IGSF22: variants seen among roughly 807,000 people sequenced by gnomAD.
IGSF22 encodes the protein immunoglobulin superfamily, member 22.
In IGSF22, 119 loss-of-function variants were observed where a neutral mutation model predicts 127.0. That is an observed-to-expected ratio of 0.94 (90% CI 0.81 to 1.09). IGSF22 has a LOEUF of 1.09. Ranked by LOEUF, IGSF22 falls within the 50% of genes least tolerant of loss-of-function variation. The probability of loss-of-function intolerance (pLI) is 0.00; values close to 1 mark genes in which losing one functional copy is unlikely to be tolerated. For synonymous variants in IGSF22, 568 were observed against 664.7 expected (o/e 0.85, Z 2.24); for missense variants, 1,518 against 1,716.6 (o/e 0.88, Z 2.04).
Position 18,707,908 on chromosome 11 carries a change from TG to T in IGSF22, c.3175del (p.Gln1059SerfsTer54). On this transcript the variant is annotated frameshift_variant, in exon 20 of 23. Transcript: ENST00000513874. LOFTEE classifies it high-confidence loss of function. ...ETITKSKNHS[Q>X]FLINSTKRSD... ...GCGCTTGGTGCTATTAATGAGGAAC[TG>T]GGAGTGGTTTTTGCTCTTGGTAATT... 6.2e-7 allele frequency: 1 copy of T among 1,614,204 alleles called. No individual in the cohort carries two copies. Among genetic ancestry groups the T allele is most frequent in the South Asian group, 1.1e-5 (1 of 91,084 alleles).
rs200656412 is a variant in IGSF22 at position 18,712,261 on chromosome 11, C to A, written c.2219G>T (p.Arg740Leu). The A allele has an allele frequency of 3.9e-6, 6 of 1,551,766 alleles. No individual in the cohort carries two copies. Among genetic ancestry groups the A allele is most frequent in the South Asian group, 1.2e-5 (1 of 84,066 alleles). ...GRPVTQFIVE[R>L]RAVGKKSWIK... ...CCAGGACTTCTTGCCAACTGCCCTC[C>A]GTTCCACTATGAACTGTGTCACAGG... The change falls in exon 15 of 23, where the codon CGG becomes CTG. Residue 740 changes from arginine to leucine, a missense_variant. Physicochemically the swap from Arg to Leu is moderately radical, Grantham distance 102 (BLOSUM62 -2). Around this residue, in one of 3 missense-constraint regions of IGSF22, gnomAD observed 1,456 missense variants for 1,644.9 expected, o/e 0.89. Coordinates refer to ENST00000513874, the MANE Select transcript of IGSF22 (RefSeq NM_173588.4).
chr11:18,705,538 G>A (rs1848207476), intron 22 of IGSF22: 6 of 483,214 alleles, frequency 1.2e-5, no homozygotes, highest in African/African-American at 1.9e-5. Context: ...CTGATCACCA[G>A]TATCTTTTTT....
rs994103382 is a variant in IGSF22, at chr11:18,714,407, C to A, written c.1668G>T (p.Leu556Phe). The A allele has an allele frequency of 1.2e-6, 2 of 1,614,046 alleles. No individual in the cohort carries two copies. The highest frequency in any genetic ancestry group is 3.3e-5 in the Admixed American group (2 of 60,028). ...WLKDGKEITD[L>F]PGMQIVKQGA... ...CCTGCTTCACAATCTGCATGCCTGG[C>A]AAGTCCGTGATCTGGGGGTCAGGGG... is the stretch of plus-strand genomic sequence containing the variant. The change falls in exon 13 of 23, where the codon TTG (leucine) becomes TTT (phenylalanine). Residue 556 changes from leucine to phenylalanine, a missense_variant. Leu to Phe is a conservative substitution (Grantham distance 22). Transcript: ENST00000513874.
intron 7 of IGSF22, 37 bp from the exon 8 acceptor site, chr11:18,718,765 G>A (rs1365969458): frequency 7.5e-7 from 1 of 1,327,808 alleles, no homozygotes; most frequent in Non-Finnish European, 1.1e-6. Context: ...AAGTGTCAGT[G>A]GTACCCAAAG....
At chr11:18,711,883 G>T (rs750723858) in intron 15 of IGSF22, among the ~76,000 whole-genome samples, 199 bp downstream of exon 15, 2 of 152,176 alleles carry the variant, frequency 1.3e-5, no homozygotes, top group Non-Finnish European at 2.9e-5. Context: ...GGAGTGTGTT[G>T]TGCATGTGAT....
rs1404167897 is a variant in IGSF22 at position 18,709,630 on chromosome 11, T to C, written c.2755A>G (p.Ile919Val). 1 of 1,614,108 alleles carries C rather than the reference T, an allele frequency of 6.2e-7. No individual in the cohort carries two copies. The stretch of plus-strand genomic sequence containing the variant: ...GCAGGCTCCCGCCAGGCCAGGGAAA[T>C]GCTGGAGTTGGAGGAATCAGATACA... ...LHVSDSSNSS[I>V]SLAWREPAEG... is the part of the protein sequence containing the mutation. The change falls in exon 18 of 23, where the codon ATT (isoleucine) becomes GTT (valine). Residue 919 changes from isoleucine (I) to valine (V), a missense_variant. By Grantham distance (29) the Ile-to-Val change is conservative (BLOSUM62 3). Transcript: ENST00000513874. This position sits in a 1 kb window ranked among gnomAD's most constrained non-coding sequence, Gnocchi z 4.8.
At chr11:18,708,178 T>A in intron 19 of IGSF22, 29 bp downstream of exon 19, 1 of 1,540,120 alleles carries the variant, frequency 6.5e-7, no homozygotes, top group Non-Finnish European at 8.8e-7. Context: ...GTGGACAGTG[T>A]ATGGAGGTCA....
rs371679994 is a variant in IGSF22 at position 18,716,698 on chromosome 11, C to T, written c.1246+30G>A. 4 of 1,605,346 alleles carry T rather than the reference C, an allele frequency of 2.5e-6. No individual in the cohort carries two copies. The African/African-American group carries it at 4.0e-5, about 16-fold the overall frequency. On this transcript the variant is annotated intron_variant, in intron 10 of 22. Coordinates refer to ENST00000513874, the MANE Select transcript of IGSF22 (RefSeq NM_173588.4). This position sits in a 1 kb window ranked among gnomAD's most constrained non-coding sequence, Gnocchi z 4.5. ...ATGGAGGTTGCTGTGCCATAAAGCC[C>T]ACCCCTTAGGCTCTTGCCCAACCAC... is the stretch of plus-strand genomic sequence containing the variant.
chr11:18,706,325 C>T (rs1342449618), intron 21 of IGSF22, among the ~76,000 whole-genome samples, 179 bp from the exon 22 acceptor site: 1 of 146,096 alleles, frequency 6.8e-6, no homozygotes, highest in Non-Finnish European at 1.5e-5. Flanking sequence ...CCCCAGGCCT[C>T]CCCCGACCCC....
At chr11:18,708,160 T>C in intron 19 of IGSF22, 47 bp downstream of exon 19, 1 of 1,530,818 alleles carries the variant, frequency 6.5e-7, no homozygotes. Context: ...AATAGCCATC[T>C]TGGTTATGTG....
In IGSF22 at chr11:18,705,946, A is replaced by C. The variant is rs1438367115; in HGVS notation, c.3781T>G (p.Tyr1261Asp). The C allele has an allele frequency of 6.4e-7, 1 of 1,551,732 alleles. No individual in the cohort carries two copies. Among genetic ancestry groups the C allele is most frequent in the East Asian group, 2.4e-5 (1 of 40,920 alleles). Residue 1261 changes from tyrosine to aspartate, a missense_variant, in exon 22 of 23, where the codon TAC (tyrosine) becomes GAC (aspartate). Tyr to Asp is a radical substitution (Grantham distance 160). This residue lies in a region of IGSF22 where 1,456 missense variants were observed against 1,644.9 expected (regional missense o/e 0.89). Coordinates refer to ENST00000513874, the MANE Select transcript of IGSF22 (RefSeq NM_173588.4). ...VNITANSKFW[Y>D]NSTSGVCTLV... ...GTGCACACGCCGCTGGTGGAGTTGT[A>C]CCAGAACTTGGAGTTGGCCGTGATG...
At position 18,704,453 on chromosome 11, in the gene IGSF22, G is replaced by A; in HGVS notation, c.*15C>T. ...ACATCATAACAGCCTCCTGATGCCT[G>A]GGCTTGGCTGGAGCTCACATGAGGT... On this transcript the variant is annotated 3_prime_UTR_variant, in exon 23 of 23. Coordinates refer to ENST00000513874, the MANE Select transcript of IGSF22 (RefSeq NM_173588.4). The A allele has an allele frequency of 1.9e-6, 3 of 1,538,810 alleles. No individual in the cohort carries two copies. The highest frequency in any genetic ancestry group is 2.6e-6 in the Non-Finnish European group (3 of 1,135,440).
At chr11:18,715,957 C>T (rs923116615) in intron 10 of IGSF22, among the ~76,000 whole-genome samples, 2 of 152,298 alleles carry the variant, frequency 1.3e-5, no homozygotes, top group South Asian at 2.1e-4. Flanking sequence ...TCAGTTTCCT[C>T]GTATGTAAAA....
intron 17 of IGSF22, 136 bp downstream of exon 17, chr11:18,710,191 C>T: frequency 8.8e-7 from 1 of 1,132,118 alleles, no homozygotes; most frequent in Non-Finnish European, 1.3e-6. Flanking sequence ...GAATCTTGTC[C>T]CTCTATGAGG....
At chr11:18,721,740 G>GCTCT (rs1346711407) in intron 3 of IGSF22, 69 bp from the exon 4 acceptor site, 30 of 1,601,820 alleles carry the variant, frequency 1.9e-5, no homozygotes, top group Non-Finnish European at 1.7e-5. Flanking sequence ...CCCTCTGCCG[G>GCTCT]CTCTCTGCCT....
Position 18,712,134 on chromosome 11 carries a change from T to C in IGSF22, c.2346A>G (p.Glu782=), listed in dbSNP as rs1456549195. 12 of 1,551,604 alleles carry C rather than the reference T, an allele frequency of 7.7e-6. No individual in the cohort carries two copies. In the South Asian group the frequency reaches 1.2e-4, roughly 15 times the overall value. ...CTGTCTCCAGTGGGTCACTCACACCTTCTGAATTGACTGCCAGGATACGGA... is the reference window on the plus strand; with the variant it reads ...CTGTCTCCAGTGGGTCACTCACACCCTCTGAATTGACTGCCAGGATACGGA... ...YQFRILAVNS[E]GVSDPLETEE... The change falls in exon 15 of 23, where the codon GAA becomes GAG. Residue 782 remains glutamate (E), a synonymous_variant. Transcript: ENST00000513874.
chr11:18,717,857 G>T, intron 9 of IGSF22, 74 bp downstream of exon 9: 1 of 1,525,548 alleles, frequency 6.6e-7, no homozygotes, highest in Non-Finnish European at 9.0e-7. Context: ...TATCCCCATG[G>T]ATCCCAACCC....
At position 18,716,668 on chromosome 11, in the gene IGSF22, C is replaced by T. The variant is rs1848468064; in HGVS notation, c.1246+60G>A. The T allele has an allele frequency of 5.9e-6, 9 of 1,532,464 alleles. No homozygotes were observed. The highest frequency in any genetic ancestry group is 7.2e-6 in the Non-Finnish European group (8 of 1,113,368). The allele number at this position is 1,532,464 out of a possible 1,614,324, so 94.9% of individuals were successfully genotyped here. A position where few individuals can be genotyped will look rare whatever the true frequency, so the allele number is the denominator to read the frequency against. On this transcript the variant is annotated intron_variant, in intron 10 of 22. Coordinates refer to ENST00000513874, the MANE Select transcript of IGSF22 (RefSeq NM_173588.4). The surrounding 1 kb of genome is among the most constrained non-coding windows in gnomAD (Gnocchi z 4.5). ...TAGATGGATATATAAATGATGACTACCTGCATGGAGGTTGCTGTGCCATAA... is the reference window on the plus strand; with the variant it reads ...TAGATGGATATATAAATGATGACTATCTGCATGGAGGTTGCTGTGCCATAA...
intron 17 of IGSF22, 74 bp downstream of exon 17, chr11:18,710,253 G>A (rs906187852): frequency 1.1e-4 from 177 of 1,575,774 alleles, no homozygotes; most frequent in Middle Eastern, 1.7e-4. Flanking sequence ...ATACTTTCCC[G>A]GGGAAGAAAT....
Sources: allele counts gnomAD v4.1 joint callset (sites outside exome capture counted in the v4.1 genomes callset), GRCh38; gene constraint gnomAD v4.1.1; regional missense constraint gnomAD v4.1.1; non-coding constraint Gnocchi (gnomAD v3.1); transcripts MANE v1.5; gene names NCBI Gene and HGNC (gene_info 2026-07-23, HGNC 2026-07-21).